The following TCL1A variants were observed in gnomAD, a reference collection of about 807,000 sequenced individuals.
TCL1A encodes the protein T-cell leukemia/lymphoma protein 1A.
A neutral mutation model predicts 16.9 loss-of-function variants in TCL1A; 9 were observed. The ratio of observed to expected loss-of-function variants is 0.53; its 90% confidence interval spans 0.32 to 0.93. The LOEUF is 0.93. Ranked by LOEUF, TCL1A falls within the 40% of genes least tolerant of loss-of-function variation. The pLI, the probability that TCL1A is intolerant of heterozygous loss-of-function variation, is 0.04. For missense variants in TCL1A, 139 were observed against 153.0 expected (o/e 0.91, Z 0.48); for synonymous variants, 69 against 63.2 (o/e 1.09, Z -0.44).
chr14:95,713,559 A>C (rs565405196), intron 1 of TCL1A, among the ~76,000 whole-genome samples: 1 of 152,162 alleles, frequency 6.6e-6, no homozygotes, highest in African/African-American at 2.4e-5. Context: ...TAAACTGTTG[A>C]GGGTTCTTTT....
In TCL1A at chr14:95,712,369, G is replaced by A. The variant is rs953278120; in HGVS notation, c.148C>T (p.Leu50Phe). The A allele has an allele frequency of 2.3e-5, 37 of 1,613,270 alleles. No homozygotes were observed. Among genetic ancestry groups the A allele is most frequent in the Non-Finnish European group, 3.1e-5 (36 of 1,179,376 alleles). Residue 50 changes from leucine (L) to phenylalanine (F), a missense_variant, in exon 2 of 4, where the codon CTC (leucine) becomes TTC (phenylalanine). Transcript: ENST00000402399. The part of the protein sequence containing the change: ...EIKDRLQLRV[L>F]LRREDVVLGR... ...AGGACGACGTCTTCCCGACGCAAGA[G>A]CACCCGTAACTGTAACCTATCCTTT... is the stretch of plus-strand genomic sequence containing the variant.
chr14:95,712,804 A>G (rs2139721511), intron 1 of TCL1A: 4 of 691,100 alleles, frequency 5.8e-6, no homozygotes, highest in African/African-American at 1.9e-5. Flanking sequence ...CAACAAAGAA[A>G]GAAAGAGAGA....
Position 95,713,971 on chromosome 14 carries a change from G to A in TCL1A, c.96C>T (p.His32=), listed in dbSNP as rs1464682577. ...CCTCGATGGTTAAGGGCAGCCAGGCGTGCTGCTTCTCGTCCAAATACACGA... is the reference window on the plus strand; with the variant it reads ...CCTCGATGGTTAAGGGCAGCCAGGCATGCTGCTTCTCGTCCAAATACACGA... ...EKFVYLDEKQ[H]AWLPLTIEIK... The change falls in exon 1 of 4, where the codon CAC becomes CAT. Residue 32 remains histidine (H), a synonymous_variant. Transcript: ENST00000402399. 5.6e-6 allele frequency: 9 copies of A among 1,614,032 alleles called. No individual in the cohort carries two copies. Among genetic ancestry groups the A allele is most frequent in the South Asian group, 1.1e-5 (1 of 91,076 alleles).
At chr14:95,712,985 T>A (rs1886406668) in intron 1 of TCL1A, among the ~76,000 whole-genome samples, 1 of 152,332 alleles carries the variant, frequency 6.6e-6, no homozygotes, top group African/African-American at 2.4e-5. Flanking sequence ...AGAAATCCAC[T>A]GAATCTTCAA....
At chr14:95,713,564 T>TC (rs1886443910) in intron 1 of TCL1A, among the ~76,000 whole-genome samples, 1 of 152,210 alleles carries the variant, frequency 6.6e-6, no homozygotes, top group African/African-American at 2.4e-5. Context: ...TGTTGAGGGT[T>TC]CTTTTTAAAA....
intron 1 of TCL1A, 27 bp downstream of exon 1, chr14:95,713,920 C>A: frequency 6.2e-7 from 1 of 1,611,184 alleles, no homozygotes; most frequent in South Asian, 1.1e-5. Flanking sequence ...CCTGCTGCCT[C>A]GCCATCCGCT....
rs1886305750 is a variant in TCL1A, at chr14:95,710,207, C to G, written c.*681G>C. The stretch of plus-strand genomic sequence containing the variant: ...GTGGGCAAGCCAAGGGTTCTGAGGG[C>G]TCATCCACAGGGCTCGCCGGCCTGG... On this transcript the variant is annotated 3_prime_UTR_variant, in exon 4 of 4. Transcript: ENST00000402399. 2 of 152,450 alleles carry G rather than the reference C, an allele frequency of 1.3e-5. No individual in the cohort carries two copies. Among genetic ancestry groups the G allele is most frequent in the Non-Finnish European group, 2.9e-5 (2 of 68,238 alleles). The allele number at this position is 152,450 out of a possible 1,614,324, so 9.4% of individuals were successfully genotyped here. A position where few individuals can be genotyped will look rare whatever the true frequency, so the allele number is the denominator to read the frequency against.
intron 2 of TCL1A, 74 bp downstream of exon 2, chr14:95,712,145 TA>T: frequency 6.4e-7 from 1 of 1,560,206 alleles, no homozygotes; most frequent in Non-Finnish European, 8.8e-7. Flanking sequence ...GGAGGGAAGA[TA>T]AACCACTAAG....
At position 95,711,601 on chromosome 14, in the gene TCL1A, T is replaced by A; in HGVS notation, c.*6+148A>T. On this transcript the variant is annotated intron_variant, in intron 3 of 3. Transcript: ENST00000402399. ...CCCGAAGTGGTAAGGGAGACATGAG[T>A]GCCTCCAGGAAGCCTCTCCCATCCC... 3.7e-6 allele frequency: 3 copies of A among 803,328 alleles called. No individual in the cohort carries two copies. In the South Asian group the frequency reaches 5.5e-5, roughly 15 times the overall value. 49.8% of individuals were successfully genotyped at this position (803,328 alleles called of 1,614,324 possible). A position where few individuals can be genotyped will look rare whatever the true frequency, so the allele number is the denominator to read the frequency against.
rs1595065078 is a variant in TCL1A at position 95,710,808 on chromosome 14, A to G, written c.*80T>C. The G allele has an allele frequency of 6.5e-6, 1 of 153,058 alleles. No individual in the cohort carries two copies. The highest frequency in any genetic ancestry group is 1.9e-4 in the East Asian group (1 of 5,200). 9.5% of individuals were successfully genotyped at this position (153,058 alleles called of 1,614,324 possible). ...ACAGGCATAGTAAACGAAGGTGAAC[A>G]GAAACACAACATCCCCATTGTAGGC... On this transcript the variant is annotated 3_prime_UTR_variant, in exon 4 of 4. Transcript: ENST00000402399.
rs1446797246 is a variant in TCL1A, at chr14:95,712,089, G to T, written c.297+131C>A. 4 of 1,184,126 alleles carry T rather than the reference G, an allele frequency of 3.4e-6. No individual in the cohort carries two copies. In the East Asian group the frequency reaches 9.3e-5, roughly 28 times the overall value. 73.4% of individuals were successfully genotyped at this position (1,184,126 alleles called of 1,614,324 possible). A position where few individuals can be genotyped will look rare whatever the true frequency, so the allele number is the denominator to read the frequency against. On this transcript the variant is annotated intron_variant, in intron 2 of 3. Coordinates refer to ENST00000402399, the MANE Select transcript of TCL1A (RefSeq NM_021966.3). ...CTCTGGTAAAGTCCTTTAGAAATCT[G>T]CACTTGTACATTTCCCCCATTTTTT...
chr14:95,712,069 G>A, intron 2 of TCL1A, 151 bp downstream of exon 2: 1 of 1,059,666 alleles, frequency 9.4e-7, no homozygotes, highest in Non-Finnish European at 1.4e-6. Context: ...CTTCTCTCTG[G>A]TAAAGTCCTT....
At chr14:95,713,813 C>G (rs1886475241) in intron 1 of TCL1A, 134 bp downstream of exon 1, 1 of 1,390,468 alleles carries the variant, frequency 7.2e-7, no homozygotes. Context: ...GAGCCCGGCT[C>G]AAAGTGGCTT....
Position 95,711,788 on chromosome 14 carries a change from C to T in TCL1A, c.312G>A (p.Glu104=), listed in dbSNP as rs776043410. ...LVYHIKIDGV[E]DMLLELLPDD is the part of the protein sequence containing the mutation. ...CTGGCAGCAGCTCGAGAAGCATGTC[C>T]TCCACGCCGTCAATCTGAGAGGCAG... The change falls in exon 3 of 4, where the codon GAG becomes GAA. Residue 104 remains glutamate, a synonymous_variant. Transcript: ENST00000402399. 1.2e-6 allele frequency: 2 copies of T among 1,612,182 alleles called. No homozygotes were observed. The highest frequency in any genetic ancestry group is 2.2e-5 in the East Asian group (1 of 44,878).
intron 2 of TCL1A, 135 bp from the exon 3 acceptor site, chr14:95,711,937 G>T: frequency 8.8e-7 from 1 of 1,141,418 alleles, no homozygotes; most frequent in Admixed American, 2.2e-5. Context: ...GGCTCTTGGA[G>T]ACTGCCCCTC....
intron 1 of TCL1A, among the ~76,000 whole-genome samples, 177 bp downstream of exon 1, chr14:95,713,770 T>C (rs1047905963): frequency 2.0e-5 from 3 of 152,276 alleles, no homozygotes; most frequent in South Asian, 2.1e-4. Context: ...CCCACCCTTC[T>C]TCCCTGCCTG....
chr14:95,713,482 A>G (rs2139722866), intron 1 of TCL1A, among the ~76,000 whole-genome samples: 1 of 152,360 alleles, frequency 6.6e-6, no homozygotes, highest in African/African-American at 2.4e-5. Flanking sequence ...TGTTTTCTAA[A>G]TAAAGCCCAG....
Position 95,713,174 on chromosome 14 carries a change from GCCTCAGTTTC to G in TCL1A, c.120+763_120+772del, listed in dbSNP as rs1566747357. Among the ~76,000 whole-genome samples, 7 of 152,238 alleles carry G rather than the reference GCCTCAGTTTC, an allele frequency of 4.6e-5. No homozygotes were observed. The East Asian group carries it at 9.6e-4, about 21-fold the overall frequency. ...ACCTCGGACAAATGTACATTTTTGTGCCTCAGTTTCCCATCTGTAGAGACACAGTCAACAC... is the reference window on the plus strand; with the variant it reads ...ACCTCGGACAAATGTACATTTTTGTGCCATCTGTAGAGACACAGTCAACAC... On this transcript the variant is annotated intron_variant, in intron 1 of 3. Transcript: ENST00000402399.
At chr14:95,712,073 A>G in intron 2 of TCL1A, 147 bp downstream of exon 2, 1 of 1,072,056 alleles carries the variant, frequency 9.3e-7, no homozygotes, top group Non-Finnish European at 1.4e-6. Context: ...TCTCTGGTAA[A>G]GTCCTTTAGA....
Sources: allele counts gnomAD v4.1 joint callset (sites outside exome capture counted in the v4.1 genomes callset), GRCh38; gene constraint gnomAD v4.1.1; transcripts MANE v1.5; gene names NCBI Gene and HGNC (gene_info 2026-07-23, HGNC 2026-07-21).